RANBP17: variants seen among roughly 807,000 people sequenced by gnomAD.
The protein encoded by RANBP17 is ran-binding protein 17.
A neutral mutation model predicts 141.2 loss-of-function variants in RANBP17; 158 were observed. The ratio of observed to expected loss-of-function variants is 1.12; its 90% CI spans 0.98 to 1.28. The LOEUF (loss-of-function observed/expected upper bound fraction) is 1.28, where lower values mean the gene tolerates loss of function less well. Among genes scored for constraint, RANBP17 ranks in the 50% most tolerant of loss-of-function variants. RANBP17 has a pLI of 0.00. For synonymous variants in RANBP17, 430 were observed against 450.0 expected, an observed-to-expected ratio of 0.96 and a Z score of 0.56; for missense variants, 1,438 against 1,290.7, an observed-to-expected ratio of 1.11 and a Z score of -1.75.
chr5:171,166,976 C>A (rs1373741457), intron 14 of RANBP17, among the ~76,000 whole-genome samples: 1 of 152,042 alleles, frequency 6.6e-6, no homozygotes, highest in East Asian at 1.9e-4. Flanking sequence ...AGAGAAATCC[C>A]CAAGGACAAA....
chr5:170,899,553 A>G (rs1224424780), intron 5 of RANBP17, among the ~76,000 whole-genome samples: 1 of 152,166 alleles, frequency 6.6e-6, no homozygotes, highest in East Asian at 1.9e-4. Context: ...TTCCAATACT[A>G]CATTGAATAG....
intron 5 of RANBP17, among the ~76,000 whole-genome samples, chr5:170,897,798 C>T (rs954232386): frequency 2.6e-5 from 4 of 152,262 alleles, no homozygotes; most frequent in Middle Eastern, 3.4e-3. Flanking sequence ...TTTTCTTTAT[C>T]CAGTCTATCA....
intron 11 of RANBP17, among the ~76,000 whole-genome samples, chr5:170,923,558 T>C (rs1468232473): frequency 6.6e-6 from 1 of 152,204 alleles, no homozygotes; most frequent in Non-Finnish European, 1.5e-5. Context: ...TGGGATTGCA[T>C]TGAAACTATA....
intron 14 of RANBP17, among the ~76,000 whole-genome samples, chr5:171,092,687 A>G (rs1427319864): frequency 6.6e-6 from 1 of 152,198 alleles, no homozygotes; most frequent in Non-Finnish European, 1.5e-5. Flanking sequence ...TTTTCCTAAG[A>G]GATCTTTTTC....
chr5:170,862,827 T>C (rs1486722267), intron 1 of RANBP17, among the ~76,000 whole-genome samples: 1 of 152,232 alleles, frequency 6.6e-6, no homozygotes, highest in Non-Finnish European at 1.5e-5. Flanking sequence ...GGATAAAGGA[T>C]GACATCTTAC....
chr5:171,072,685 A>C (rs1427302344), intron 14 of RANBP17, among the ~76,000 whole-genome samples: 1 of 152,200 alleles, frequency 6.6e-6, no homozygotes, highest in African/African-American at 2.4e-5. Flanking sequence ...GGAATGCAGA[A>C]TGGCATAGCC....
At chr5:171,232,225 C>T (rs554856873) in intron 22 of RANBP17, among the ~76,000 whole-genome samples, 1 of 152,022 alleles carries the variant, frequency 6.6e-6, no homozygotes, top group African/African-American at 2.4e-5. Context: ...TATACAAAAT[C>T]TTTTATTCAA....
At chr5:171,066,875 A>G (rs1384147594) in intron 14 of RANBP17, among the ~76,000 whole-genome samples, 1 of 152,222 alleles carries the variant, frequency 6.6e-6, no homozygotes, top group Admixed American at 6.5e-5. Context: ...CTGTCTGACA[A>G]CAAATGCTAA....
At chr5:170,890,804 A>G (rs1446202901) in intron 3 of RANBP17, among the ~76,000 whole-genome samples, 3 of 152,212 alleles carry the variant, frequency 2.0e-5, no homozygotes, top group African/African-American at 7.2e-5. Context: ...CTTTATTACA[A>G]GCTTGACTTT....
Position 170,916,529 on chromosome 5 carries a change from C to T in RANBP17, c.899C>T (p.Ala300Val). ...TCCTTATTTAACAGTCCTGAACGTGCCAAGTACCTTGGTAATTTAATTAAG... is the reference window on the plus strand; with the variant it reads ...TCCTTATTTAACAGTCCTGAACGTGTCAAGTACCTTGGTAATTTAATTAAG... ...RRSLFNSPERAKYLGNLIKGV... is the reference protein window; with the variant it reads ...RRSLFNSPERVKYLGNLIKGV... Residue 300 changes from alanine to valine, a missense_variant, in exon 9 of 28, where the codon GCC becomes GTC. Physicochemically the swap from Ala to Val is moderately conservative, Grantham distance 64. Coordinates refer to ENST00000523189, the MANE Select transcript of RANBP17 (RefSeq NM_022897.5). 1.3e-6 allele frequency: 2 copies of T among 1,584,386 alleles called. No individual in the cohort carries two copies. The highest frequency in any genetic ancestry group is 1.7e-6 in the Non-Finnish European group (2 of 1,161,972).
chr5:171,098,773 C>T (rs1451504594), intron 14 of RANBP17, among the ~76,000 whole-genome samples: 1 of 152,008 alleles, frequency 6.6e-6, no homozygotes, highest in African/African-American at 2.4e-5. Flanking sequence ...GCTTTTAGGT[C>T]TTATGTTTAA....
intron 19 of RANBP17, 110 bp downstream of exon 19, chr5:171,199,883 C>A: frequency 1.9e-6 from 1 of 533,102 alleles, no homozygotes; most frequent in South Asian, 3.6e-5. Context: ...CTCAGACCTG[C>A]TTTCCCAATT....
intron 14 of RANBP17, among the ~76,000 whole-genome samples, chr5:170,986,561 CATATAT>C (rs145763842): frequency 1.3e-5 from 2 of 149,546 alleles, no homozygotes; most frequent in Admixed American, 6.7e-5. Context: ...ACCCCATAAA[CATATAT>C]ATATATATAC....
chr5:171,111,528 T>C (rs1031474149), intron 14 of RANBP17, among the ~76,000 whole-genome samples: 3 of 152,188 alleles, frequency 2.0e-5, no homozygotes, highest in Admixed American at 1.3e-4. Flanking sequence ...GTTAGTGCAG[T>C]CTCTCTGAAG....
In RANBP17 at chr5:171,183,290, A is replaced by G. The variant is rs753190764; in HGVS notation, c.1930-32A>G. ...TTACGAATAGTTGAGGTAAAGTGTTAGTAACTTGGATTACTCTTTTGCTTT... is the reference window on the plus strand; with the variant it reads ...TTACGAATAGTTGAGGTAAAGTGTTGGTAACTTGGATTACTCTTTTGCTTT... On this transcript the variant is annotated intron_variant, in intron 17 of 27. Coordinates refer to ENST00000523189, the MANE Select transcript of RANBP17 (RefSeq NM_022897.5). 50 of 1,583,650 alleles carry G rather than the reference A, an allele frequency of 3.2e-5. No individual in the cohort carries two copies. The East Asian group carries it at 1.1e-3, about 33-fold the overall frequency.
At chr5:171,242,877 T>C (rs546811560) in intron 24 of RANBP17, 57 bp downstream of exon 24, 4 of 1,489,916 alleles carry the variant, frequency 2.7e-6, no homozygotes, top group East Asian at 2.3e-5. Context: ...GGGCTTTTAA[T>C]GTATGTGATT....
chr5:171,296,076 ACT>A (rs1768799190), intron 27 of RANBP17, 62 bp downstream of exon 27: 1 of 1,545,990 alleles, frequency 6.5e-7, no homozygotes, highest in African/African-American at 1.4e-5. Flanking sequence ...GTTGAAAATA[ACT>A]CTCTCGTGCT....
rs1305152678 is a variant in RANBP17 at position 171,158,969 on chromosome 5, A to G, written c.1711-11161A>G. ...GAATGAGAAATATCTAGGAAATATC[A>G]CTTGAGAATGCAGTTTATCTTCAAC... On this transcript the variant is annotated intron_variant, in intron 14 of 27. Coordinates refer to ENST00000523189, the MANE Select transcript of RANBP17 (RefSeq NM_022897.5). Among the ~76,000 whole-genome samples the G allele has an allele frequency of 2.6e-5, 4 of 152,188 alleles. 1 individual carries two copies. Among genetic ancestry groups the G allele is most frequent in the Admixed American group, 2.0e-4 (3 of 15,282 alleles).
intron 14 of RANBP17, among the ~76,000 whole-genome samples, chr5:170,979,766 G>T (rs1340957574): frequency 2.0e-5 from 3 of 152,158 alleles, no homozygotes; most frequent in African/African-American, 7.2e-5. Flanking sequence ...TTTGTAAATT[G>T]CCCAGTTTCA....
Sources: allele counts gnomAD v4.1 joint callset (sites outside exome capture counted in the v4.1 genomes callset), GRCh38; gene constraint gnomAD v4.1.1; transcripts MANE v1.5; gene names NCBI Gene and HGNC (gene_info 2026-07-23, HGNC 2026-07-21).